The following NAGPA variants were observed in gnomAD, a reference collection of about 807,000 sequenced individuals.
NAGPA encodes N-acetylglucosamine-1-phosphodiester alpha-N-acetylglucosaminidase.
Under a neutral mutation model 48.5 loss-of-function variants are expected in NAGPA, and 56 were observed. That is an observed-to-expected ratio of 1.15 (90% CI 0.93 to 1.44). The LOEUF is 1.44. Ranked by LOEUF, NAGPA falls within the 40% of genes most tolerant of loss-of-function variation. The pLI is 0.00. For missense variants in NAGPA, 888 were observed against 735.0 expected (o/e 1.21, Z -2.41); for synonymous variants, 399 against 315.5 (o/e 1.26, Z -2.81).
chr16:5,024,961 C>G lies in NAGPA; in HGVS notation c.*517G>C, dbSNP rs1028914224. ...GTCTGTAAACATGATCTCATCCCCCCATCCCTTCTTCCAAGGAGCTTCCTA... is the reference window on the plus strand; with the variant it reads ...GTCTGTAAACATGATCTCATCCCCCGATCCCTTCTTCCAAGGAGCTTCCTA... On this transcript the variant is annotated 3_prime_UTR_variant, in exon 10 of 10. Transcript: ENST00000312251. The G allele has an allele frequency of 6.1e-6, 1 of 163,690 alleles. No homozygotes were observed. Among genetic ancestry groups the G allele is most frequent in the Non-Finnish European group, 1.4e-5 (1 of 73,522 alleles). The allele number at this position is 163,690 out of a possible 1,614,324, so 10.1% of individuals were successfully genotyped here. A position where few individuals can be genotyped will look rare whatever the true frequency, so the allele number is the denominator to read the frequency against.
At position 5,033,615 on chromosome 16, in the gene NAGPA, G is replaced by A. The variant is rs1177031184; in HGVS notation, c.200C>T (p.Pro67Leu). ...ACCGCCGGCGCCGGGAGTCGCGGGA[G>A]GCGGAGGCCAACTCTCGTGCTCGCG... ...GNREHESWPPPPATPGAGGLA... is the reference protein window; with the variant it reads ...GNREHESWPPLPATPGAGGLA... Residue 67 changes from proline to leucine, a missense_variant, in exon 2 of 10, where the codon CCT (proline) becomes CTT (leucine). Pro to Leu is a moderately conservative substitution (Grantham distance 98, BLOSUM62 -3). Transcript: ENST00000312251. The surrounding 1 kb of genome is among the most constrained non-coding windows in gnomAD (Gnocchi z 4.2). 12 of 1,512,774 alleles carry A rather than the reference G, an allele frequency of 7.9e-6. 1 individual carries two copies. The highest frequency in any genetic ancestry group is 3.8e-5 in the South Asian group (3 of 78,892). 93.7% of individuals were successfully genotyped at this position (1,512,774 alleles called of 1,614,324 possible).
intron 4 of NAGPA, chr16:5,029,953 C>T (rs1956071367): frequency 3.6e-6 from 1 of 276,148 alleles, no homozygotes; most frequent in South Asian, 4.0e-5. Flanking sequence ...AGAACATTCC[C>T]TGCTGAGTGT....
At position 5,025,378 on chromosome 16, in the gene NAGPA, C is replaced by T. The variant is rs1433045921; in HGVS notation, c.*100G>A. ...GGCTGCCCCACAGGGGCTGAGGACA[C>T]CCAGATGGTCCACGCCAGTGGCCTT... On this transcript the variant is annotated 3_prime_UTR_variant, in exon 10 of 10. Transcript: ENST00000312251. The T allele has an allele frequency of 1.7e-5, 24 of 1,427,092 alleles. No homozygotes were observed. In the Admixed American group the frequency reaches 1.8e-4, roughly 10 times the overall value. The allele number at this position is 1,427,092 out of a possible 1,614,324, so 88.4% of individuals were successfully genotyped here.
rs1351926055 is a variant in NAGPA, at chr16:5,032,000, A to G, written c.543-116T>C. ...CTAGATTCCCCCTCATGCCCCAGGA[A>G]CCTCCTGGGGCCTGAGTGTAGCTGG... On this transcript the variant is annotated intron_variant, in intron 2 of 9. Transcript: ENST00000312251. 1.2e-5 allele frequency: 17 copies of G among 1,378,272 alleles called. No homozygotes were observed. In the East Asian group the frequency reaches 3.0e-4, roughly 24 times the overall value. The allele number at this position is 1,378,272 out of a possible 1,614,324, so 85.4% of individuals were successfully genotyped here. A position where few individuals can be genotyped will look rare whatever the true frequency, so the allele number is the denominator to read the frequency against.
In NAGPA at chr16:5,030,415, A is replaced by G. The variant is rs1270257806; in HGVS notation, c.761T>C (p.Phe254Ser). Residue 254 changes from phenylalanine to serine, a missense_variant, in exon 4 of 10, where the codon TTT (phenylalanine) becomes TCT (serine). Coordinates refer to ENST00000312251, the MANE Select transcript of NAGPA (RefSeq NM_016256.4). ...CTGCTCCGTTTGGCCGTCTGCATGA[A>G]AGAGCACCAGCTGCCCTTTCCGGTC... is the stretch of plus-strand genomic sequence containing the variant. ...GHDRKGQLVL[F>S]HADGQTEQRG... The G allele has an allele frequency of 3.9e-6, 6 of 1,552,908 alleles. No homozygotes were observed. Among genetic ancestry groups the G allele is most frequent in the Non-Finnish European group, 5.2e-6 (6 of 1,147,622 alleles).
chr16:5,025,563 T>C lies in NAGPA; in HGVS notation c.1463A>G (p.Tyr488Cys). Reference protein sequence around the residue: ...RNRRLHGDYAYHPLQEMNGEP... With the variant: ...RNRRLHGDYACHPLQEMNGEP... The stretch of plus-strand genomic sequence containing the variant: ...CCCGTTCATCTCCTGCAGCGGGTGG[T>C]ATGCATAGTCCCCATGCAGGCGCCG... Residue 488 changes from tyrosine to cysteine, a missense_variant, in exon 10 of 10, where the codon TAC becomes TGC. Physicochemically the swap from Tyr to Cys is radical, Grantham distance 194 (BLOSUM62 -2). Transcript: ENST00000312251. The C allele has an allele frequency of 6.2e-7, 1 of 1,613,638 alleles. No individual in the cohort carries two copies. The highest frequency in any genetic ancestry group is 8.5e-7 in the Non-Finnish European group (1 of 1,180,002).
chr16:5,027,931 A>G, intron 6 of NAGPA, 38 bp from the exon 7 acceptor site: 1 of 1,613,030 alleles, frequency 6.2e-7, no homozygotes, highest in Non-Finnish European at 8.5e-7. Flanking sequence ...GTGAGGGCCT[A>G]GGGCAAGGCA....
Position 5,025,428 on chromosome 16 carries a change from CCG to C in NAGPA, c.*48_*49del, listed in dbSNP as rs1955977944. 6.2e-7 allele frequency: 1 copy of C among 1,601,582 alleles called. No individual in the cohort carries two copies. The highest frequency in any genetic ancestry group is 2.2e-5 in the East Asian group (1 of 44,766). On this transcript the variant is annotated 3_prime_UTR_variant, in exon 10 of 10. Transcript: ENST00000312251. Reference sequence around the variant, plus strand: ...TGAAATTTCCCCTGCAGAAGCCAGACCGTGGGGAAACAAGCTTTCGCGACGTG... The same window carrying C: ...TGAAATTTCCCCTGCAGAAGCCAGACTGGGGAAACAAGCTTTCGCGACGTG...
chr16:5,028,085 C>T lies in NAGPA; in HGVS notation c.1021G>A (p.Val341Met), dbSNP rs752371706. 1.7e-5 allele frequency: 27 copies of T among 1,613,234 alleles called. No individual in the cohort carries two copies. The highest frequency in any genetic ancestry group is 1.3e-4 in the South Asian group (12 of 90,996). ...CCGGTGCATTGGCAGTGCCCGTCCA[C>T]GCAGGTCCCGTGGCCGTGGCAGTCA... ...PPDCHGHGTCVDGHCQCTGHF... is the reference protein window; with the variant it reads ...PPDCHGHGTCMDGHCQCTGHF... The change falls in exon 6 of 10, where the codon GTG (valine) becomes ATG (methionine). Residue 341 changes from valine (V) to methionine (M), a missense_variant. By Grantham distance (21) the Val-to-Met change is conservative. Coordinates refer to ENST00000312251, the MANE Select transcript of NAGPA (RefSeq NM_016256.4).
At chr16:5,031,927 A>G in intron 2 of NAGPA, 43 bp from the exon 3 acceptor site, 1 of 1,613,344 alleles carries the variant, frequency 6.2e-7, no homozygotes. Context: ...CAGCAGGGGC[A>G]ACTGCAGATA....
At position 5,025,607 on chromosome 16, in the gene NAGPA, C is replaced by T. The variant is rs773069950; in HGVS notation, c.1419G>A (p.Leu473=). The T allele has an allele frequency of 4.3e-6, 7 of 1,613,946 alleles. No homozygotes were observed. Among genetic ancestry groups the T allele is most frequent in the Non-Finnish European group, 5.9e-6 (7 of 1,180,014 alleles). Residue 473 remains leucine (L), a synonymous_variant, in exon 10 of 10, where the codon CTG becomes CTA. Coordinates refer to ENST00000312251, the MANE Select transcript of NAGPA (RefSeq NM_016256.4). ...GGCGCCGGTTCCTCTCTGCTCTGGA[C>T]AGGAGCAAGGACAGGTTTGCTGCAG... ...ISTAANLSLL[L]SRAERNRRLH...
At chr16:5,030,696 A>G (rs1369366921) in intron 3 of NAGPA, 2 of 631,296 alleles carry the variant, frequency 3.2e-6, no homozygotes. Context: ...AAACCAAGCT[A>G]TGCCAGCCTC....
Position 5,025,181 on chromosome 16 carries a change from A to G in NAGPA, c.*297T>C, listed in dbSNP as rs1371618687. ...CAGCCCCTTCCCCAGGAGGAGGGAG[A>G]CTCTTTGGCAGTGCGGCAGCCCTCC... On this transcript the variant is annotated 3_prime_UTR_variant, in exon 10 of 10. Coordinates refer to ENST00000312251, the MANE Select transcript of NAGPA (RefSeq NM_016256.4). 6.6e-6 allele frequency: 3 copies of G among 456,690 alleles called. No individual in the cohort carries two copies. Among genetic ancestry groups the G allele is most frequent in the Non-Finnish European group, 1.2e-5 (3 of 247,726 alleles). The allele number at this position is 456,690 out of a possible 1,614,324, so 28.3% of individuals were successfully genotyped here. A position where few individuals can be genotyped will look rare whatever the true frequency, so the allele number is the denominator to read the frequency against.
At chr16:5,030,288 A>T in intron 4 of NAGPA, 97 bp downstream of exon 4, 1 of 1,155,398 alleles carries the variant, frequency 8.7e-7, no homozygotes, top group Non-Finnish European at 1.3e-6. Context: ...TCAACATCCC[A>T]GAAAGCAGGT....
At position 5,030,385 on chromosome 16, in the gene NAGPA, C is replaced by T. The variant is rs1212788262; in HGVS notation, c.791G>A (p.Gly264Asp). 2 of 1,550,604 alleles carry T rather than the reference C, an allele frequency of 1.3e-6. No individual in the cohort carries two copies. The highest frequency in any genetic ancestry group is 1.4e-5 in the African/African-American group (1 of 72,840). The stretch of plus-strand genomic sequence containing the variant: ...GGGGGCCTCAGCTCCCAGGACTCAC[C>T]CACGCTGCTCCGTTTGGCCGTCTGC... ...FHADGQTEQR[G>D]INLWEMAEFL... is the part of the protein sequence containing the mutation. The change falls in exon 4 of 10, where the codon GGC becomes GAC. Residue 264 changes from glycine (G) to aspartate (D), a missense_variant and splice_region_variant. Physicochemically the swap from Gly to Asp is moderately conservative, Grantham distance 94. Coordinates refer to ENST00000312251, the MANE Select transcript of NAGPA (RefSeq NM_016256.4).
Position 5,025,497 on chromosome 16 carries a change from T to G in NAGPA, c.1529A>C (p.His510Pro), listed in dbSNP as rs1955980689. ...GAGGCTTCAGTCCTTGAAGGGGTTG[T>G]GGGCGCCCCCTGGCTGCTCCTTCTC... ...AAEKEQPGGA[H>P]NPFKD The change falls in exon 10 of 10, where the codon CAC becomes CCC. Residue 510 changes from histidine (H) to proline (P), a missense_variant. Physicochemically the swap from His to Pro is moderately conservative, Grantham distance 77. Transcript: ENST00000312251. 1.2e-6 allele frequency: 2 copies of G among 1,612,148 alleles called. No individual in the cohort carries two copies. The highest frequency in any genetic ancestry group is 2.7e-5 in the African/African-American group (2 of 74,888).
At chr16:5,029,309 A>G (rs542777704) in intron 4 of NAGPA, 3 of 414,556 alleles carry the variant, frequency 7.2e-6, no homozygotes, top group East Asian at 5.2e-5. Flanking sequence ...GGCTGGTGAC[A>G]GAATAGGAAG....
At chr16:5,027,765 G>A in intron 7 of NAGPA, 81 bp downstream of exon 7, 2 of 1,531,360 alleles carry the variant, frequency 1.3e-6, no homozygotes, top group South Asian at 2.4e-5. Context: ...ACCAGAAGGT[G>A]GAGACAGAAG....
Position 5,033,728 on chromosome 16 carries a change from C to A in NAGPA, c.87G>T (p.Gly29=). 6.2e-7 allele frequency: 1 copy of A among 1,603,386 alleles called. No individual in the cohort carries two copies. The highest frequency in any genetic ancestry group is 8.5e-7 in the Non-Finnish European group (1 of 1,177,088). ...LWEASGGLDS[G]ASRDDDLLLP... Reference sequence around the variant, plus strand: ...GTAGCAAGTCGTCGTCGCGGGAGGCCCTGCGGGGACGGGCGGCCGTGAGCT... The same window carrying A: ...GTAGCAAGTCGTCGTCGCGGGAGGCACTGCGGGGACGGGCGGCCGTGAGCT... Residue 29 remains glycine (G), a splice_region_variant and synonymous_variant, in exon 2 of 10, where the codon GGG becomes GGT. Coordinates refer to ENST00000312251, the MANE Select transcript of NAGPA (RefSeq NM_016256.4). This position sits in a 1 kb window ranked among gnomAD's most constrained non-coding sequence, Gnocchi z 4.2.
Sources: gnomAD v4.1 joint callset for allele counts on GRCh38, gnomAD v4.1.1 for gene constraint, Gnocchi (gnomAD v3.1) non-coding constraint, MANE v1.5 for transcripts, NCBI Gene and HGNC (gene_info 2026-07-23, HGNC 2026-07-21) for gene names.